The following SEPTIN5 variants were observed in gnomAD, a reference collection of about 807,000 sequenced individuals.
SEPTIN5 encodes the protein septin-5.
A neutral mutation model predicts 51.2 loss-of-function variants in SEPTIN5; 16 were observed. The ratio of observed to expected loss-of-function variants is 0.31; its 90% confidence interval spans 0.21 to 0.47. The LOEUF is 0.47. Ranked by LOEUF, SEPTIN5 falls within the 20% of genes least tolerant of loss-of-function variation. SEPTIN5 has a pLI of 0.99. For missense variants in SEPTIN5, 376 were observed against 500.3 expected (o/e 0.75, Z 2.37); for synonymous variants, 208 against 191.2 (o/e 1.09, Z -0.72).
At position 19,722,350 on chromosome 22, in the gene SEPTIN5, C is replaced by A. The variant is rs1428754339; in HGVS notation, c.1053+11C>A. The A allele has an allele frequency of 1.2e-6, 2 of 1,601,834 alleles. No individual in the cohort carries two copies. Among genetic ancestry groups the A allele is most frequent in the Admixed American group, 1.7e-5 (1 of 58,846 alleles). On this transcript the variant is annotated intron_variant, in intron 11 of 11. Coordinates refer to ENST00000455784, the MANE Select transcript of SEPTIN5 (RefSeq NM_002688.6). ...ATGAAGGATGAGGAAGTATGTGGGG[C>A]GGCGGGGGCGGCGGAGGCGGGCGTC... is the stretch of plus-strand genomic sequence containing the variant.
chr22:19,723,124 C>A lies in SEPTIN5; in HGVS notation c.*640C>A. On this transcript the variant is annotated 3_prime_UTR_variant, in exon 12 of 12. Transcript: ENST00000455784. ...CACTGGGCGGTGAGCCACCTCCTGG[C>A]AACTCTCGGTGCCGTCCCCTGCCCT... 1.8e-6 allele frequency: 1 copy of A among 546,880 alleles called. No individual in the cohort carries two copies. The highest frequency in any genetic ancestry group is 3.5e-6 in the Non-Finnish European group (1 of 285,246). 33.9% of individuals were successfully genotyped at this position (546,880 alleles called of 1,614,324 possible). A position where few individuals can be genotyped will look rare whatever the true frequency, so the allele number is the denominator to read the frequency against.
Position 19,722,223 on chromosome 22 carries a change from C to G in SEPTIN5, c.951-14C>G, listed in dbSNP as rs1484825370. The G allele has an allele frequency of 1.9e-6, 3 of 1,560,732 alleles. No homozygotes were observed. Among genetic ancestry groups the G allele is most frequent in the South Asian group, 1.2e-5 (1 of 86,152 alleles). On this transcript the variant is annotated splice_polypyrimidine_tract_variant and intron_variant, in intron 10 of 11. Transcript: ENST00000455784. The stretch of plus-strand genomic sequence containing the variant: ...TGGCGCCGCCCCGCCCATCCTCCCC[C>G]CCGCCCCGCGCAGCAAACTGACCCA...
In SEPTIN5 at chr22:19,722,347, G is replaced by A; in HGVS notation, c.1053+8G>A. The A allele has an allele frequency of 6.2e-7, 1 of 1,601,704 alleles. No individual in the cohort carries two copies. Among genetic ancestry groups the A allele is most frequent in the Non-Finnish European group, 8.5e-7 (1 of 1,174,358 alleles). ...AGGATGAAGGATGAGGAAGTATGTG[G>A]GGCGGCGGGGGCGGCGGAGGCGGGC... On this transcript the variant is annotated splice_region_variant and intron_variant, in intron 11 of 11. Coordinates refer to ENST00000455784, the MANE Select transcript of SEPTIN5 (RefSeq NM_002688.6).
At chr22:19,717,275 C>T (rs550316471) in intron 2 of SEPTIN5, 38 of 470,336 alleles carry the variant, frequency 8.1e-5, no homozygotes, top group South Asian at 5.9e-4. Flanking sequence ...CTTTCCAGGC[C>T]CCATGTCCTG....
intron 4 of SEPTIN5, 95 bp from the exon 5 acceptor site, chr22:19,720,020 C>T: frequency 1.2e-6 from 2 of 1,604,332 alleles, no homozygotes; most frequent in Non-Finnish European, 1.7e-6. Flanking sequence ...GGGGGTAGGG[C>T]CAAGGCACCA....
In SEPTIN5 at chr22:19,714,831, C is replaced by G. The variant is rs758068709; in HGVS notation, c.54+40C>G. 3.1e-6 allele frequency: 5 copies of G among 1,588,926 alleles called. No individual in the cohort carries two copies. The highest frequency in any genetic ancestry group is 2.2e-5 in the South Asian group (2 of 89,454). ...CCGCTCCCCCGCCGGGAGACCCGGC[C>G]GGCTGTCACCCATTGTGACACTAGC... is the stretch of plus-strand genomic sequence containing the variant. On this transcript the variant is annotated intron_variant, in intron 2 of 11. Coordinates refer to ENST00000455784, the MANE Select transcript of SEPTIN5 (RefSeq NM_002688.6). The surrounding 1 kb of genome is among the most constrained non-coding windows in gnomAD (Gnocchi z 5.2).
chr22:19,717,229 T>C (rs997880050), intron 2 of SEPTIN5: 1 of 462,362 alleles, frequency 2.2e-6, no homozygotes, highest in Non-Finnish European at 4.4e-6. Flanking sequence ...TGTTCTAATG[T>C]GCAGGGGCTT....
In SEPTIN5 at chr22:19,722,292, A is replaced by G. The variant is rs752410069; in HGVS notation, c.1006A>G (p.Thr336Ala). ...ESPIPILPLP[T>A]PDAETEKLIR... ...CCCCATCCCGATCCTGCCGCTGCCC[A>G]CCCCGGACGCCGAGACTGAGAAGCT... Residue 336 changes from threonine to alanine, a missense_variant, in exon 11 of 12, where the codon ACC becomes GCC. Around this residue, in one of 2 missense-constraint regions of SEPTIN5, gnomAD observed 89 missense variants for 83.3 expected, o/e 1.07. Transcript: ENST00000455784. 3.7e-6 allele frequency: 6 copies of G among 1,610,710 alleles called. No homozygotes were observed. Among genetic ancestry groups the G allele is most frequent in the Non-Finnish European group, 5.1e-6 (6 of 1,179,142 alleles).
In SEPTIN5 at chr22:19,719,813, A is replaced by G; in HGVS notation, c.159A>G (p.Ser53=). 1 of 1,613,098 alleles carries G rather than the reference A, an allele frequency of 6.2e-7. No homozygotes were observed. The highest frequency in any genetic ancestry group is 8.5e-7 in the Non-Finnish European group (1 of 1,179,966). ...FDFTLMVAGE[S]GLGKSTLVHS... The stretch of plus-strand genomic sequence containing the variant: ...CTCTGTACCTGTGTGCAGGTGAGTC[A>G]GGCCTGGGGAAGTCCACACTGGTCC... The change falls in exon 4 of 12, where the codon TCA becomes TCG. Residue 53 remains serine, a synonymous_variant. Transcript: ENST00000455784.
In SEPTIN5 at chr22:19,721,631, T is replaced by A; in HGVS notation, c.718-9T>A. 6.2e-7 allele frequency: 1 copy of A among 1,612,618 alleles called. No individual in the cohort carries two copies. Among genetic ancestry groups the A allele is most frequent in the Non-Finnish European group, 8.5e-7 (1 of 1,179,730 alleles). On this transcript the variant is annotated splice_polypyrimidine_tract_variant and intron_variant, in intron 8 of 11. Transcript: ENST00000455784. ...ACCGGGTGTGAGCCTTTCTCCCTCC[T>A]TCCCCCAGGAGAGCGCGCCCTTCGC... is the stretch of plus-strand genomic sequence containing the variant.
rs1936088925 is a variant in SEPTIN5, at chr22:19,723,231, A to C, written c.*747A>C. On this transcript the variant is annotated 3_prime_UTR_variant, in exon 12 of 12. Coordinates refer to ENST00000455784, the MANE Select transcript of SEPTIN5 (RefSeq NM_002688.6). Reference sequence around the variant, plus strand: ...GCCTCCCGATGTTCCCACCCGCATGATCCCTTCCCGCCACACGATGCTCCG... The same window carrying C: ...GCCTCCCGATGTTCCCACCCGCATGCTCCCTTCCCGCCACACGATGCTCCG... 1.6e-6 allele frequency: 1 copy of C among 641,386 alleles called. No homozygotes were observed. Among genetic ancestry groups the C allele is most frequent in the Non-Finnish European group, 2.9e-6 (1 of 345,918 alleles). The allele number at this position is 641,386 out of a possible 1,614,324, so 39.7% of individuals were successfully genotyped here. A position where few individuals can be genotyped will look rare whatever the true frequency, so the allele number is the denominator to read the frequency against.
rs1289370458 is a variant in SEPTIN5, at chr22:19,714,505, C to T, written c.-84C>T. On this transcript the variant is annotated 5_prime_UTR_variant, in exon 1 of 12. Coordinates refer to ENST00000455784, the MANE Select transcript of SEPTIN5 (RefSeq NM_002688.6). This position sits in a 1 kb window ranked among gnomAD's most constrained non-coding sequence, Gnocchi z 5.2. ...GCGGCGGCGCGGAGGGGCCGCTCAC[C>T]CCGCAGCCCGGCCTCGGCCTCCGCC... The T allele has an allele frequency of 5.4e-5, 50 of 928,146 alleles. No homozygotes were observed. The highest frequency in any genetic ancestry group is 6.4e-5 in the Non-Finnish European group (47 of 738,198). 57.5% of individuals were successfully genotyped at this position (928,146 alleles called of 1,614,324 possible).
chr22:19,721,988 C>T (rs747145445), intron 10 of SEPTIN5, 31 bp downstream of exon 10: 2 of 1,584,386 alleles, frequency 1.3e-6, no homozygotes, highest in Non-Finnish European at 1.7e-6. Flanking sequence ...CCAGACCTCG[C>T]CCCTCTGGCC....
At chr22:19,722,158 G>C (rs1936054039) in intron 10 of SEPTIN5, 79 bp from the exon 11 acceptor site, 3 of 1,240,582 alleles carry the variant, frequency 2.4e-6, no homozygotes, top group Non-Finnish European at 2.2e-6. Context: ...GCAGTGGCGG[G>C]GATGGGCCAG....
Position 19,719,610 on chromosome 22 carries a change from C to A in SEPTIN5, c.63C>A (p.Asp21Glu). 1 of 1,612,382 alleles carries A rather than the reference C, an allele frequency of 6.2e-7. No homozygotes were observed. Among genetic ancestry groups the A allele is most frequent in the Non-Finnish European group, 8.5e-7 (1 of 1,179,420 alleles). The change falls in exon 3 of 12, where the codon GAC becomes GAA. Residue 21 changes from aspartate (D) to glutamate (E), a missense_variant. Physicochemically the swap from Asp to Glu is conservative, Grantham distance 45. Coordinates refer to ENST00000455784, the MANE Select transcript of SEPTIN5 (RefSeq NM_002688.6). ...TTCCATCCTGTCCCCAGGACATTGA[C>A]AAGCAGTACGTGGGCTTCGCCACAC... The part of the protein sequence containing the change: ...LATPEDKQDI[D>E]KQYVGFATLP...
intron 2 of SEPTIN5, chr22:19,718,586 C>G: frequency 7.7e-7 from 1 of 1,290,736 alleles, no homozygotes; most frequent in Non-Finnish European, 9.8e-7. Context: ...GCGACGTGCC[C>G]TGTCCAGGCC....
Position 19,722,266 on chromosome 22 carries a change from G to C in SEPTIN5, c.980G>C (p.Ser327Thr). 6.2e-7 allele frequency: 1 copy of C among 1,610,394 alleles called. No homozygotes were observed. Among genetic ancestry groups the C allele is most frequent in the Non-Finnish European group, 8.5e-7 (1 of 1,179,020 alleles). The change falls in exon 11 of 12, where the codon AGC becomes ACC. Residue 327 changes from serine to threonine, a missense_variant. Ser to Thr is a moderately conservative substitution (Grantham distance 58, BLOSUM62 1). Coordinates refer to ENST00000455784, the MANE Select transcript of SEPTIN5 (RefSeq NM_002688.6). The part of the protein sequence containing the change: ...SKLTQDSRME[S>T]PIPILPLPTP... The stretch of plus-strand genomic sequence containing the variant: ...CTGACCCAGGACAGCCGCATGGAGA[G>C]CCCCATCCCGATCCTGCCGCTGCCC...
chr22:19,718,817 A>G, intron 2 of SEPTIN5: 1 of 1,237,480 alleles, frequency 8.1e-7, no homozygotes, highest in Non-Finnish European at 1.0e-6. Context: ...AGGCGGCTCA[A>G]GGTGCGTGTG....
Position 19,722,836 on chromosome 22 carries a change from T to G in SEPTIN5, c.*352T>G. ...AGAAGAGGATTCCCAGGATCCTGGG[T>G]CTGTTCCCTGCCCCAGTGCTGCAGA... On this transcript the variant is annotated 3_prime_UTR_variant, in exon 12 of 12. Transcript: ENST00000455784. 2.1e-6 allele frequency: 1 copy of G among 469,152 alleles called. No homozygotes were observed. The highest frequency in any genetic ancestry group is 3.9e-6 in the Non-Finnish European group (1 of 254,224). The allele number at this position is 469,152 out of a possible 1,614,324, so 29.1% of individuals were successfully genotyped here.
Sources: gnomAD v4.1 joint callset for allele counts on GRCh38, gnomAD v4.1.1 for gene constraint, gnomAD v4.1.1 regional missense constraint, Gnocchi (gnomAD v3.1) non-coding constraint, MANE v1.5 for transcripts, NCBI Gene and HGNC (gene_info 2026-07-23, HGNC 2026-07-21) for gene names.